The following HCN1 variants were observed in gnomAD, a reference collection of about 807,000 sequenced individuals.
HCN1 encodes hyperpolarization activated cyclic nucleotide gated potassium channel 1.
HCN1 carries 13 observed loss-of-function variants against 78.9 expected under a neutral mutation model. The observed-to-expected ratio is 0.16, with a 90% CI of 0.11 to 0.26. HCN1 has a LOEUF of 0.26. Among genes scored for constraint, HCN1 ranks in the 10% least tolerant of loss-of-function variants. The probability of loss-of-function intolerance (pLI) is 1.00; values close to 1 mark genes in which losing one functional copy is unlikely to be tolerated. For missense variants in HCN1, 810 were observed against 1,154.3 expected (o/e 0.70, Z 4.32); for synonymous variants, 552 against 455.5 (o/e 1.21, Z -2.70).
chr5:45,659,610 G>C (rs1213915515), intron 1 of HCN1, among the ~76,000 whole-genome samples: 1 of 146,092 alleles, frequency 6.8e-6, no homozygotes, highest in Non-Finnish European at 1.5e-5. Flanking sequence ...AGTGCTTAAA[G>C]GAGCTGATGG....
intron 5 of HCN1, among the ~76,000 whole-genome samples, chr5:45,316,213 C>T (rs1462248416): frequency 3.3e-5 from 5 of 152,146 alleles, no homozygotes; most frequent in African/African-American, 1.2e-4. Context: ...AGGTTATCCA[C>T]CATGATCAAG....
chr5:45,625,915 C>A (rs1207676987), intron 2 of HCN1, among the ~76,000 whole-genome samples: 1 of 152,056 alleles, frequency 6.6e-6, no homozygotes, highest in African/African-American at 2.4e-5. Context: ...ACATTTACAA[C>A]AACATGAAGA....
chr5:45,680,277 G>A (rs984347596), intron 1 of HCN1, among the ~76,000 whole-genome samples: 1 of 152,006 alleles, frequency 6.6e-6, no homozygotes, highest in African/African-American at 2.4e-5. Flanking sequence ...AATGCTTTAC[G>A]CTTTCTGGAA....
chr5:45,521,574 G>A lies in HCN1; in HGVS notation c.850-59567C>T, dbSNP rs557068154. ...CTGTGTCTTTGTGTCCAAATCAAAT[G>A]CTTTTATTAGGATACCAGTCATGCT... On this transcript the variant is annotated intron_variant, in intron 2 of 7. Transcript: ENST00000303230. 2.0e-5 allele frequency among the ~76,000 whole-genome samples: 3 copies of A among 151,948 alleles called. No individual in the cohort carries two copies. The South Asian group carries it at 6.2e-4, about 32-fold the overall frequency.
In HCN1 at chr5:45,606,597, C is replaced by T. The variant is rs188784786; in HGVS notation, c.849+38588G>A. Among the ~76,000 whole-genome samples the T allele has an allele frequency of 1.5e-3, 225 of 151,986 alleles. 1 individual carries two copies. Among genetic ancestry groups the T allele is most frequent in the Admixed American group, 3.2e-3 (48 of 15,184 alleles). ...AAGTACAGGACAAAAGTCACAACTC[C>T]AGCACATAAACCGGATTAAAACCCA... On this transcript the variant is annotated intron_variant, in intron 2 of 7. Coordinates refer to ENST00000303230, the MANE Select transcript of HCN1 (RefSeq NM_021072.4).
intron 2 of HCN1, among the ~76,000 whole-genome samples, chr5:45,627,070 A>G (rs572818396): frequency 6.6e-6 from 1 of 152,152 alleles, no homozygotes; most frequent in East Asian, 1.9e-4. Flanking sequence ...TGTTCCAAAT[A>G]TATTTCTCAA....
Position 45,396,457 on chromosome 5 carries a change from G to A in HCN1, c.1230+35C>T, listed in dbSNP as rs889329707. 2.6e-6 allele frequency: 4 copies of A among 1,537,364 alleles called. No homozygotes were observed. In the African/African-American group the frequency reaches 4.1e-5, roughly 16 times the overall value. ...TTCAATTTACTGGTTCAGGTTAGCT[G>A]GTTAAAGACATTGGCGATAAATAAA... On this transcript the variant is annotated intron_variant, in intron 4 of 7. Coordinates refer to ENST00000303230, the MANE Select transcript of HCN1 (RefSeq NM_021072.4).
chr5:45,467,043 C>T (rs1224441727), intron 2 of HCN1, among the ~76,000 whole-genome samples: 2 of 152,152 alleles, frequency 1.3e-5, no homozygotes, highest in Non-Finnish European at 2.9e-5. Context: ...TTGTCCCATA[C>T]TCATGCTCTT....
chr5:45,615,584 T>C (rs576282085), intron 2 of HCN1, among the ~76,000 whole-genome samples: 87 of 152,086 alleles, frequency 5.7e-4, no homozygotes, highest in African/African-American at 1.9e-3. Context: ...CTCACAATTC[T>C]CGCCTGAAGC....
chr5:45,624,206 G>T (rs1745120553), intron 2 of HCN1, among the ~76,000 whole-genome samples: 1 of 152,198 alleles, frequency 6.6e-6, no homozygotes, highest in African/African-American at 2.4e-5. Context: ...GGCTCTCAAA[G>T]AAATGTTCTG....
intron 2 of HCN1, among the ~76,000 whole-genome samples, chr5:45,485,725 T>C (rs1741742877): frequency 6.6e-6 from 1 of 152,174 alleles, no homozygotes; most frequent in Non-Finnish European, 1.5e-5. Context: ...GTTCTTAGCC[T>C]TGCATAGTAG....
At chr5:45,384,093 G>A (rs1368807631) in intron 4 of HCN1, among the ~76,000 whole-genome samples, 2 of 152,098 alleles carry the variant, frequency 1.3e-5, no homozygotes, top group African/African-American at 4.8e-5. Context: ...TAAATAGGGA[G>A]AATAACTCAT....
chr5:45,690,940 A>C (rs1367009610), intron 1 of HCN1, among the ~76,000 whole-genome samples: 1 of 152,092 alleles, frequency 6.6e-6, no homozygotes, highest in Non-Finnish European at 1.5e-5. Context: ...TCTGCTAAAC[A>C]CAAGAATTAT....
At chr5:45,300,466 T>C (rs1259883257) in intron 6 of HCN1, among the ~76,000 whole-genome samples, 2 of 152,114 alleles carry the variant, frequency 1.3e-5, no homozygotes, top group East Asian at 1.9e-4. Context: ...TGATGATCTA[T>C]TTATTATGAT....
chr5:45,594,358 A>G (rs936794169), intron 2 of HCN1, among the ~76,000 whole-genome samples: 1 of 152,188 alleles, frequency 6.6e-6, no homozygotes, highest in African/African-American at 2.4e-5. Flanking sequence ...TCAATCACAG[A>G]TAATAGAAAT....
chr5:45,480,939 T>C (rs1741638153), intron 2 of HCN1, among the ~76,000 whole-genome samples: 1 of 152,206 alleles, frequency 6.6e-6, no homozygotes, highest in Admixed American at 6.5e-5. Context: ...TTGAAAATTA[T>C]AATTCTACAC....
chr5:45,392,101 A>G (rs1739576739), intron 4 of HCN1, among the ~76,000 whole-genome samples: 1 of 152,152 alleles, frequency 6.6e-6, no homozygotes, highest in South Asian at 2.1e-4. Flanking sequence ...AAGAAAGTAT[A>G]TATCTTAACC....
intron 1 of HCN1, among the ~76,000 whole-genome samples, chr5:45,682,068 G>A (rs1254867288): frequency 6.6e-6 from 1 of 151,790 alleles, no homozygotes; most frequent in Non-Finnish European, 1.5e-5. Flanking sequence ...CTTCTACCCT[G>A]CTAGGTTATA....
chr5:45,302,070 A>C (rs938325910), intron 6 of HCN1, among the ~76,000 whole-genome samples: 1 of 152,116 alleles, frequency 6.6e-6, no homozygotes, highest in African/African-American at 2.4e-5. Context: ...CAGAAATAAC[A>C]AAAATGCAAA....
Sources: gnomAD v4.1 joint callset for allele counts (sites outside exome capture counted in the v4.1 genomes callset) on GRCh38, gnomAD v4.1.1 for gene constraint, MANE v1.5 for transcripts, NCBI Gene and HGNC (gene_info 2026-07-23, HGNC 2026-07-21) for gene names.